The following ALG14 variants were observed in gnomAD, a reference collection of about 807,000 sequenced individuals.
The protein encoded by ALG14 is ALG14 UDP-N-acetylglucosaminyltransferase subunit, also known as UDP-N-acetylglucosamine transferase subunit ALG14.
A neutral mutation model predicts 22.8 loss-of-function variants in ALG14; 17 were observed. That is an observed-to-expected ratio of 0.75 (90% confidence interval 0.51 to 1.12). The LOEUF is 1.12. Ranked by LOEUF, ALG14 falls within the 50% of genes most tolerant of loss-of-function variation. ALG14 has a pLI of 0.00. For missense variants in ALG14, 288 were observed against 271.8 expected, an observed-to-expected ratio of 1.06 and a Z score of -0.42; for synonymous variants, 89 against 103.7, an observed-to-expected ratio of 0.86 and a Z score of 0.86.
intron 2 of ALG14, among the ~76,000 whole-genome samples, chr1:95,047,790 G>T (rs527435850): frequency 3.9e-5 from 6 of 152,226 alleles, no homozygotes; most frequent in African/African-American, 1.4e-4. Flanking sequence ...GACCAGCCTG[G>T]GCAACATAGC....
At chr1:95,045,365 G>A (rs566006581) in intron 2 of ALG14, among the ~76,000 whole-genome samples, 66 of 152,088 alleles carry the variant, frequency 4.3e-4, no homozygotes, top group Non-Finnish European at 8.7e-4. Flanking sequence ...GAGAAAGAAT[G>A]TAATGGACAT....
chr1:94,997,759 C>CT (rs907045487), intron 3 of ALG14, among the ~76,000 whole-genome samples: 2 of 152,204 alleles, frequency 1.3e-5, no homozygotes, highest in African/African-American at 4.8e-5. Flanking sequence ...ATATTTGCTG[C>CT]TTTTTTTATT....
intron 3 of ALG14, among the ~76,000 whole-genome samples, chr1:95,023,152 G>A (rs745904646): frequency 2.7e-5 from 4 of 150,202 alleles, no homozygotes; most frequent in Non-Finnish European, 5.9e-5. Context: ...TTTTTGAGAC[G>A]GAGTCTTACT....
At chr1:95,045,978 A>ATAAT (rs1295888650) in intron 2 of ALG14, among the ~76,000 whole-genome samples, 4 of 148,476 alleles carry the variant, frequency 2.7e-5, no homozygotes, top group African/African-American at 4.9e-5. Context: ...TAGTATACTA[A>ATAAT]TAGAATTAGT....
intron 3 of ALG14, among the ~76,000 whole-genome samples, chr1:95,016,953 G>A (rs1452307479): frequency 1.7e-5 from 2 of 119,638 alleles, no homozygotes; most frequent in Admixed American, 8.0e-5. Context: ...GTGTGTGTGT[G>A]TGTGTGTGTG....
intron 1 of ALG14, among the ~76,000 whole-genome samples, chr1:95,068,920 C>T (rs1211717952): frequency 1.3e-5 from 2 of 152,132 alleles, no homozygotes; most frequent in African/African-American, 2.4e-5. Context: ...CAGTCCTTCC[C>T]TCCCACATCC....
intron 2 of ALG14, among the ~76,000 whole-genome samples, chr1:95,046,282 T>A (rs2100806294): frequency 6.6e-6 from 1 of 152,322 alleles, no homozygotes; most frequent in African/African-American, 2.4e-5. Flanking sequence ...GGAACCGGGC[T>A]GCACGGCAGC....
intron 3 of ALG14, among the ~76,000 whole-genome samples, chr1:95,012,307 G>A (rs1407847174): frequency 2.6e-5 from 4 of 152,182 alleles, no homozygotes; most frequent in African/African-American, 7.2e-5. Context: ...TTCATCATAT[G>A]AACTTCTACT....
chr1:95,072,748 C>T lies in ALG14; in HGVS notation c.136+15G>A. 6.2e-7 allele frequency: 1 copy of T among 1,609,352 alleles called. No individual in the cohort carries two copies. The highest frequency in any genetic ancestry group is 8.5e-7 in the Non-Finnish European group (1 of 1,178,206). On this transcript the variant is annotated intron_variant, in intron 1 of 3. Coordinates refer to ENST00000370205, the MANE Select transcript of ALG14 (RefSeq NM_144988.4). ...TGACCAACCCAAGTCCGACAGTCGCCTCCTCGATACTTACCGGACCCAGCC... is the reference window on the plus strand; with the variant it reads ...TGACCAACCCAAGTCCGACAGTCGCTTCCTCGATACTTACCGGACCCAGCC...
chr1:95,033,448 CATAT>C (rs1553229140), intron 2 of ALG14, among the ~76,000 whole-genome samples: 1 of 146,422 alleles, frequency 6.8e-6, no homozygotes, highest in Admixed American at 6.9e-5. Context: ...CACACACATA[CATAT>C]ATATACACAC....
chr1:95,047,388 G>C (rs1674597536), intron 2 of ALG14, among the ~76,000 whole-genome samples: 1 of 152,098 alleles, frequency 6.6e-6, no homozygotes, highest in Non-Finnish European at 1.5e-5. Flanking sequence ...TTGTCACCCA[G>C]GTTGGAGTGC....
chr1:95,043,714 G>A (rs1369752027), intron 2 of ALG14, among the ~76,000 whole-genome samples: 1 of 152,060 alleles, frequency 6.6e-6, no homozygotes, highest in East Asian at 1.9e-4. Flanking sequence ...TTAGGGGAAG[G>A]AGAGGAAAGA....
chr1:95,003,544 G>A (rs1439035206), intron 3 of ALG14, among the ~76,000 whole-genome samples: 1 of 151,604 alleles, frequency 6.6e-6, no homozygotes, highest in Non-Finnish European at 1.5e-5. Flanking sequence ...TGACCTCCTG[G>A]GGTCAAGTGA....
intron 3 of ALG14, among the ~76,000 whole-genome samples, chr1:94,984,820 G>A (rs1361744572): frequency 6.6e-6 from 1 of 152,088 alleles, no homozygotes; most frequent in Admixed American, 6.6e-5. Context: ...TCACCACCTC[G>A]GCCCTCACCA....
At chr1:94,998,460 A>G (rs1672964373) in intron 3 of ALG14, among the ~76,000 whole-genome samples, 2 of 152,234 alleles carry the variant, frequency 1.3e-5, no homozygotes, top group African/African-American at 4.8e-5. Flanking sequence ...AGGGACACTA[A>G]CTTTAAATGT....
At chr1:94,990,807 G>A (rs1672752257) in intron 3 of ALG14, among the ~76,000 whole-genome samples, 2 of 152,206 alleles carry the variant, frequency 1.3e-5, no homozygotes, top group Non-Finnish European at 2.9e-5. Flanking sequence ...CTTGCATTTT[G>A]CTTGGTGACA....
intron 3 of ALG14, among the ~76,000 whole-genome samples, chr1:94,999,478 C>T (rs1673003019): frequency 6.6e-6 from 1 of 151,676 alleles, no homozygotes; most frequent in African/African-American, 2.4e-5. Flanking sequence ...CCCCAAATGT[C>T]CCCAACACAC....
chr1:95,028,670 A>T (rs77786276), intron 2 of ALG14, among the ~76,000 whole-genome samples: 42,594 of 151,812 alleles, frequency 0.28, 6,604 homozygotes, highest in African/African-American at 0.42. Context: ...AATACAAAAA[A>T]TAGCTGTAGT....
intron 2 of ALG14, among the ~76,000 whole-genome samples, chr1:95,049,906 C>T (rs968298611): frequency 2.6e-4 from 39 of 152,056 alleles, no homozygotes; most frequent in African/African-American, 9.4e-4. Flanking sequence ...AAATTTTTTT[C>T]TACAAACTAG....
Sources: gnomAD v4.1 joint callset for allele counts (sites outside exome capture counted in the v4.1 genomes callset) on GRCh38, gnomAD v4.1.1 for gene constraint, MANE v1.5 for transcripts, NCBI Gene and HGNC (gene_info 2026-07-23, HGNC 2026-07-21) for gene names.